Variants in WWP1 observed in about 807,000 individuals in gnomAD.
WWP1 encodes NEDD4-like E3 ubiquitin-protein ligase WWP1.
WWP1 carries 49 observed loss-of-function variants against 130.6 expected under a neutral mutation model. The ratio of observed to expected loss-of-function variants is 0.38; its 90% CI spans 0.30 to 0.48. The LOEUF is 0.48. Among genes scored for constraint, WWP1 ranks in the 20% least tolerant of loss-of-function variants. WWP1 has a pLI of 0.99. For missense variants in WWP1, 809 were observed against 1,100.6 expected, an observed-to-expected ratio of 0.74 and a Z score of 3.75; for synonymous variants, 332 against 367.8, an observed-to-expected ratio of 0.90 and a Z score of 1.11.
chr8:86,414,104 G>A (rs1272384812), intron 9 of WWP1, among the ~76,000 whole-genome samples: 3 of 152,136 alleles, frequency 2.0e-5, no homozygotes, highest in Admixed American at 1.3e-4. Flanking sequence ...AGTGCAACCC[G>A]TTAATAGGTT....
At chr8:86,423,555 C>T (rs1809356293) in intron 9 of WWP1, among the ~76,000 whole-genome samples, 1 of 152,202 alleles carries the variant, frequency 6.6e-6, no homozygotes, top group South Asian at 2.1e-4. Context: ...GGTCATAGAT[C>T]AACAGCATCC....
intron 5 of WWP1, among the ~76,000 whole-genome samples, chr8:86,388,357 C>T (rs544057465): frequency 4.0e-5 from 6 of 151,890 alleles, no homozygotes; most frequent in East Asian, 3.9e-4. Flanking sequence ...TGGACTCAAG[C>T]GATCCTCCCA....
At chr8:86,358,169 T>C (rs1468703146) in intron 1 of WWP1, among the ~76,000 whole-genome samples, 1 of 152,222 alleles carries the variant, frequency 6.6e-6, no homozygotes, top group Non-Finnish European at 1.5e-5. Context: ...GATCCTTTAC[T>C]TTTGTATTGG....
intron 1 of WWP1, among the ~76,000 whole-genome samples, chr8:86,355,474 C>A (rs1001239257): frequency 2.0e-5 from 3 of 152,122 alleles, no homozygotes; most frequent in African/African-American, 4.8e-5. Context: ...GGAAAAAAGT[C>A]GTTAAGCAAA....
intron 1 of WWP1, among the ~76,000 whole-genome samples, chr8:86,354,267 C>G (rs905971719): frequency 7.9e-5 from 12 of 152,158 alleles, no homozygotes; most frequent in African/African-American, 2.9e-4. Flanking sequence ...AGATCTATTT[C>G]AGAATTTTCT....
In WWP1 at chr8:86,402,056, G is replaced by GT. The variant is rs1196258767; in HGVS notation, c.578dup (p.Pro194ThrfsTer16). On this transcript the variant is annotated frameshift_variant, in exon 8 of 25. Transcript: ENST00000517970. LOFTEE classifies it high-confidence loss of function. ...AGGCACGAATGGAATAGATAATCAT[G>GT]TACCTACAAGCACTCTAGTCCAAAA... 1 of 1,611,676 alleles carries GT rather than the reference G, an allele frequency of 6.2e-7. No homozygotes were observed. The highest frequency in any genetic ancestry group is 8.5e-7 in the Non-Finnish European group (1 of 1,178,758).
intron 1 of WWP1, among the ~76,000 whole-genome samples, chr8:86,360,974 A>G (rs1823559995): frequency 6.6e-6 from 1 of 152,214 alleles, no homozygotes; most frequent in South Asian, 2.1e-4. Context: ...CAGGGTAATT[A>G]GGTTGAGGAA....
intron 3 of WWP1, among the ~76,000 whole-genome samples, chr8:86,375,440 T>G (rs932400271): frequency 1.3e-5 from 2 of 152,198 alleles, no homozygotes; most frequent in African/African-American, 4.8e-5. Context: ...GTTCACATTT[T>G]TATTAGTTTT....
chr8:86,426,806 T>C (rs1317669619), intron 10 of WWP1, among the ~76,000 whole-genome samples: 1 of 152,132 alleles, frequency 6.6e-6, no homozygotes, highest in Admixed American at 6.5e-5. Flanking sequence ...AACATGGGCA[T>C]TGGCTATAGA....
Position 86,451,837 on chromosome 8 carries a change from G to A in WWP1, c.2274-722G>A, listed in dbSNP as rs183183008. Among the ~76,000 whole-genome samples the A allele has an allele frequency of 5.0e-4, 76 of 152,212 alleles. 2 individuals carry two copies. The highest frequency in any genetic ancestry group is 4.0e-3 in the Admixed American group (61 of 15,286). On this transcript the variant is annotated intron_variant, in intron 20 of 24. Coordinates refer to ENST00000517970, the MANE Select transcript of WWP1 (RefSeq NM_007013.4). ...TGGAATCTCCTTTTACAGATTTTGT[G>A]TCACTGACAGATTTTCTTCCTTATT... is the stretch of plus-strand genomic sequence containing the variant.
rs564620130 is a variant in WWP1, at chr8:86,364,350, TA to T, written c.-114-4584del. ...GCTTAGAAATGGTTAAAATTGGCAT[TA>T]AAAAGGGAATCTACAGAAAAATCAA... On this transcript the variant is annotated intron_variant, in intron 1 of 24. Transcript: ENST00000517970. 3.7e-4 allele frequency among the ~76,000 whole-genome samples: 56 copies of T among 152,238 alleles called. 1 individual carries two copies. The highest frequency in any genetic ancestry group is 1.3e-3 in the African/African-American group (54 of 41,544).
rs373666777 is a variant in WWP1, at chr8:86,375,667, T to C, written c.70+1547T>C. Among the ~76,000 whole-genome samples the C allele has an allele frequency of 9.2e-5, 14 of 152,324 alleles. 1 individual carries two copies. The East Asian group carries it at 1.7e-3, about 19-fold the overall frequency. ...GAATAGATGTAAAAAAGCTAACTAG[T>C]CTCCTTTTGCTGGACATTGGCGTTC... On this transcript the variant is annotated intron_variant, in intron 3 of 24. Transcript: ENST00000517970.
intron 5 of WWP1, among the ~76,000 whole-genome samples, chr8:86,391,567 A>T (rs951021240): frequency 1.3e-5 from 2 of 152,188 alleles, no homozygotes; most frequent in Non-Finnish European, 2.9e-5. Context: ...TGTTTAGAGT[A>T]GTCAGAACAT....
chr8:86,390,198 C>G (rs2130429741), intron 5 of WWP1, among the ~76,000 whole-genome samples: 1 of 151,130 alleles, frequency 6.6e-6, no homozygotes, highest in South Asian at 2.1e-4. Context: ...AGAGGCGCTC[C>G]TCACTTCCCA....
chr8:86,358,355 T>C (rs1823372781), intron 1 of WWP1, among the ~76,000 whole-genome samples: 1 of 152,206 alleles, frequency 6.6e-6, no homozygotes, highest in Admixed American at 6.5e-5. Flanking sequence ...CTATGCTATA[T>C]AGGTATTTTC....
intron 18 of WWP1, among the ~76,000 whole-genome samples, chr8:86,444,232 A>T (rs1810743471): frequency 6.6e-6 from 1 of 152,182 alleles, no homozygotes; most frequent in Admixed American, 6.5e-5. Flanking sequence ...CAGGGGTGTG[A>T]GAGAGAGTCA....
At chr8:86,372,301 C>T (rs1161105860) in intron 2 of WWP1, among the ~76,000 whole-genome samples, 4 of 151,954 alleles carry the variant, frequency 2.6e-5, no homozygotes, top group Non-Finnish European at 2.9e-5. Context: ...GGATTACAGG[C>T]GTGAGCCACC....
At chr8:86,391,185 A>G (rs1285615465) in intron 5 of WWP1, among the ~76,000 whole-genome samples, 6 of 152,170 alleles carry the variant, frequency 3.9e-5, no homozygotes, top group Non-Finnish European at 2.9e-5. Flanking sequence ...ACTTCTTCAC[A>G]TTTAAGCCCT....
intron 1 of WWP1, among the ~76,000 whole-genome samples, chr8:86,362,063 C>CATATATACACATATATACACACAT (rs1823663407): frequency 7.6e-6 from 1 of 131,948 alleles, no homozygotes; most frequent in South Asian, 2.4e-4. Flanking sequence ...TATATACACA[C>CATATATACACATATATACACACAT]ATATATATAC....
Sources: allele counts gnomAD v4.1 joint callset (sites outside exome capture counted in the v4.1 genomes callset), GRCh38; gene constraint gnomAD v4.1.1; transcripts MANE v1.5; gene names NCBI Gene and HGNC (gene_info 2026-07-23, HGNC 2026-07-21).